The following ANKRD30B variants were observed in gnomAD, a reference collection of about 807,000 sequenced individuals.
ANKRD30B encodes the protein ankyrin repeat domain-containing protein 30B.
A neutral mutation model predicts 202.2 loss-of-function variants in ANKRD30B; 144 were observed. The ratio of observed to expected loss-of-function variants is 0.71; its 90% CI spans 0.62 to 0.82. The LOEUF is 0.82. Among genes scored for constraint, ANKRD30B ranks in the 40% least tolerant of loss-of-function variants. The probability of loss-of-function intolerance (pLI) is 0.00; values close to 1 mark genes in which losing one functional copy is unlikely to be tolerated. For synonymous variants in ANKRD30B, 508 were observed against 561.3 expected (o/e 0.91, Z 1.34); for missense variants, 1,487 against 1,669.1 (o/e 0.89, Z 1.90).
At chr18:14,790,533 AGAT>A (rs1968416207) in intron 15 of ANKRD30B, among the ~76,000 whole-genome samples, 1 of 152,174 alleles carries the variant, frequency 6.6e-6, no homozygotes, top group African/African-American at 2.4e-5. Flanking sequence ...GGTTTGTCAT[AGAT>A]AGCTCTTATT....
intron 33 of ANKRD30B, 145 bp from the exon 34 acceptor site, chr18:14,831,238 C>G (rs1186646277): frequency 3.6e-6 from 1 of 278,368 alleles, no homozygotes; most frequent in Non-Finnish European, 6.9e-6. Context: ...TGCCAAGAAA[C>G]ATGATTTAAT....
the ANKRD30B span, among the ~76,000 whole-genome samples, chr18:14,887,358 A>G: frequency 1.3e-5 from 2 of 152,172 alleles, no homozygotes; most frequent in Admixed American, 1.3e-4. Context: ...TCTAAAGATT[A>G]GAAAATTACT....
chr18:14,784,448 T>C lies in ANKRD30B; in HGVS notation c.1600-15T>C, dbSNP rs1598613104. 6.2e-7 allele frequency: 1 copy of C among 1,613,344 alleles called. No homozygotes were observed. The highest frequency in any genetic ancestry group is 8.5e-7 in the Non-Finnish European group (1 of 1,179,496). On this transcript the variant is annotated splice_polypyrimidine_tract_variant and intron_variant, in intron 13 of 43. Transcript: ENST00000690538. The stretch of plus-strand genomic sequence containing the variant: ...CACATTCTTTATTGATCATTTTTCT[T>C]CCAAACCCATTTAGCCTGCCGTTGA...
chr18:14,754,756 AAGG>A (rs999146211), intron 3 of ANKRD30B, 140 bp from the exon 4 acceptor site: 1 of 516,552 alleles, frequency 1.9e-6, no homozygotes, highest in Non-Finnish European at 3.2e-6. Flanking sequence ...AGCACAGAAA[AAGG>A]AGAAAGAAGG....
the ANKRD30B span, among the ~76,000 whole-genome samples, chr18:14,920,326 A>G: frequency 6.6e-6 from 1 of 152,216 alleles, no homozygotes; most frequent in Non-Finnish European, 1.5e-5. Flanking sequence ...GCTTTCTCAC[A>G]AATTCCTCTA....
chr18:14,844,080 TCAG>T (rs1176397443), intron 39 of ANKRD30B, among the ~76,000 whole-genome samples: 4 of 152,224 alleles, frequency 2.6e-5, no homozygotes, highest in African/African-American at 9.6e-5. Context: ...CTTTGTTTGA[TCAG>T]CATTATATTG....
chr18:14,937,548 G>A, the ANKRD30B span, among the ~76,000 whole-genome samples: 2 of 152,194 alleles, frequency 1.3e-5, no homozygotes, highest in South Asian at 2.1e-4. Context: ...CTGATGGGTC[G>A]CAGGCCAATC....
intron 24 of ANKRD30B, among the ~76,000 whole-genome samples, chr18:14,805,819 G>A (rs1432051113): frequency 2.0e-5 from 3 of 149,458 alleles, no homozygotes; most frequent in Non-Finnish European, 3.0e-5. Flanking sequence ...ATACATATTG[G>A]CATTAACATT....
At chr18:14,866,413 G>C in the ANKRD30B span, among the ~76,000 whole-genome samples, 1 of 152,152 alleles carries the variant, frequency 6.6e-6, no homozygotes, top group Non-Finnish European at 1.5e-5. Flanking sequence ...AGTGGTAGGC[G>C]GGAGGCTGGA....
intron 8 of ANKRD30B, among the ~76,000 whole-genome samples, chr18:14,771,396 A>T (rs9748864): frequency 0.054 from 8,199 of 152,222 alleles, 772 homozygotes; most frequent in African/African-American, 0.19. Context: ...CTTGGGTATA[A>T]GTACCTATGA....
chr18:14,883,220 C>T, the ANKRD30B span, among the ~76,000 whole-genome samples: 1 of 151,954 alleles, frequency 6.6e-6, no homozygotes, highest in African/African-American at 2.4e-5. Context: ...TTCTCAACTA[C>T]AGAGGCACAT....
the ANKRD30B span, among the ~76,000 whole-genome samples, chr18:14,888,448 G>T: frequency 3.9e-5 from 6 of 151,936 alleles, no homozygotes; most frequent in Non-Finnish European, 7.4e-5. Flanking sequence ...CTAACATCAT[G>T]ATTGTACAAC....
chr18:14,902,643 A>G, the ANKRD30B span, among the ~76,000 whole-genome samples: 1 of 151,838 alleles, frequency 6.6e-6, no homozygotes, highest in Middle Eastern at 3.4e-3. Flanking sequence ...TCCACTCTCA[A>G]CCTCACTCTC....
intron 8 of ANKRD30B, among the ~76,000 whole-genome samples, chr18:14,769,717 G>A (rs1170375142): frequency 6.6e-6 from 1 of 152,136 alleles, no homozygotes; most frequent in African/African-American, 2.4e-5. Flanking sequence ...CTGAGATCAA[G>A]GTACAGGTCC....
In ANKRD30B at chr18:14,809,999, A is replaced by T. The variant is rs71364881; in HGVS notation, c.2400A>T (p.Lys800Asn). 142 of 1,428,604 alleles carry T rather than the reference A, an allele frequency of 9.9e-5. 3 individuals carry two copies. Among genetic ancestry groups the T allele is most frequent in the African/African-American group, 7.5e-4 (53 of 70,492 alleles). The allele number at this position is 1,428,604 out of a possible 1,614,324, so 88.5% of individuals were successfully genotyped here. A position where few individuals can be genotyped will look rare whatever the true frequency, so the allele number is the denominator to read the frequency against. ...CTTTTCTTTTAGAGTCTCCTGATAA[A>T]GATGGTCTTCTGAAGGTAATAACTT... ...RETLKAESPDKDGLLKPTCVR... is the reference protein window; with the variant it reads ...RETLKAESPDNDGLLKPTCVR... The change falls in exon 27 of 44, where the codon AAA becomes AAT. Residue 800 changes from lysine to asparagine, a missense_variant. Physicochemically the swap from Lys to Asn is moderately conservative, Grantham distance 94. Coordinates refer to ENST00000690538, the MANE Select transcript of ANKRD30B (RefSeq NM_001367607.2).
the ANKRD30B span, among the ~76,000 whole-genome samples, chr18:14,907,754 C>G: frequency 1.2e-3 from 178 of 152,268 alleles, 1 homozygote; most frequent in African/African-American, 4.2e-3. Flanking sequence ...GGATTCTCAT[C>G]TGGGTACCCT....
At chr18:14,859,154 G>T (rs138391402), downstream of ANKRD30B, among the ~76,000 whole-genome samples, 12 of 100,370 alleles carry the variant, frequency 1.2e-4, no homozygotes, top group East Asian at 5.5e-4. Flanking sequence ...AGGAAGAGGC[G>T]CTCCTCACCT....
the ANKRD30B span, among the ~76,000 whole-genome samples, chr18:14,897,689 G>T: frequency 6.6e-6 from 1 of 151,902 alleles, no homozygotes; most frequent in Non-Finnish European, 1.5e-5. Flanking sequence ...AAATACATTT[G>T]CAAGCCTTTG....
At chr18:14,785,517 AT>A (rs1220126871) in intron 14 of ANKRD30B, among the ~76,000 whole-genome samples, 3 of 152,320 alleles carry the variant, frequency 2.0e-5, no homozygotes, top group African/African-American at 7.2e-5. Context: ...TTATGTGCTA[AT>A]TTTTTAGTTA....
Sources: allele counts gnomAD v4.1 joint callset (sites outside exome capture counted in the v4.1 genomes callset), GRCh38; gene constraint gnomAD v4.1.1; transcripts MANE v1.5; gene names NCBI Gene and HGNC (gene_info 2026-07-23, HGNC 2026-07-21).